CASP1: variants seen among roughly 807,000 people sequenced by gnomAD.
CASP1 encodes the protein caspase-1.
Under a neutral mutation model 41.2 loss-of-function variants are expected in CASP1, and 31 were observed. The ratio of observed to expected loss-of-function variants is 0.75; its 90% CI spans 0.57 to 1.02. The LOEUF is 1.02. CASP1 is among the 50% of genes least tolerant of loss of function. CASP1 has a pLI of 0.00. For synonymous variants in CASP1, 163 were observed against 166.5 expected (o/e 0.98, Z 0.16); for missense variants, 490 against 495.7 (o/e 0.99, Z 0.11).
rs1298939392 is a variant in CASP1 at position 105,031,257 on chromosome 11, G to C, written c.361C>G (p.Pro121Ala). 12 of 1,610,826 alleles carry C rather than the reference G, an allele frequency of 7.4e-6. No homozygotes were observed. Among genetic ancestry groups the C allele is most frequent in the Non-Finnish European group, 1.0e-5 (12 of 1,177,416 alleles). The change falls in exon 4 of 9, where the codon CCA (proline) becomes GCA (alanine). Residue 121 changes from proline to alanine, a missense_variant. Coordinates refer to ENST00000533400, the MANE Select transcript of CASP1 (RefSeq NM_001257118.3). Reference protein sequence around the residue: ...FPAPQAVQDNPAMPTSSGSEG... With the variant: ...FPAPQAVQDNAAMPTSSGSEG... ...GAGCCTGAGGATGTGGGCATAGCTG[G>C]GTTGTCCTGCACTGCCTGAGGAGCT... is the stretch of plus-strand genomic sequence containing the variant.
rs1168839070 is a variant in CASP1 at position 105,029,104 on chromosome 11, C to G, written c.1006+20G>C. On this transcript the variant is annotated intron_variant, in intron 7 of 8. Transcript: ENST00000533400. ...CTATTGATAGCCCCAACAAAGATGT[C>G]CTGTGTAGAAACCTGTTACCTGGTG... 6.2e-7 allele frequency: 1 copy of G among 1,607,770 alleles called. No individual in the cohort carries two copies. Among genetic ancestry groups the G allele is most frequent in the East Asian group, 2.2e-5 (1 of 44,786 alleles).
chr11:105,034,524 C>T (rs1565228461), intron 1 of CASP1, 50 bp from the exon 2 acceptor site: 2 of 1,608,572 alleles, frequency 1.2e-6, no homozygotes, highest in Admixed American at 1.7e-5. Context: ...CCTCATATTC[C>T]TCTCATGTAA....
intron 2 of CASP1, 53 bp from the exon 3 acceptor site, chr11:105,033,179 T>G (rs1447550472): frequency 9.2e-7 from 1 of 1,083,078 alleles, no homozygotes; most frequent in Non-Finnish European, 1.4e-6. Flanking sequence ...CTGGAAAACT[T>G]TACCCCAATC....
intron 1 of CASP1, 100 bp downstream of exon 1, chr11:105,035,007 G>A (rs763767995): frequency 2.9e-5 from 43 of 1,502,060 alleles, no homozygotes; most frequent in Non-Finnish European, 3.7e-5. Flanking sequence ...TTCTACTCAA[G>A]TAAACTTCCA....
chr11:105,029,310 A>T, intron 6 of CASP1, 43 bp from the exon 7 acceptor site: 1 of 1,569,006 alleles, frequency 6.4e-7, no homozygotes. Flanking sequence ...CCAATGGCTG[A>T]GAAGATGTTT....
At chr11:105,034,900 C>G (rs1332973967) in intron 1 of CASP1, among the ~76,000 whole-genome samples, 2 of 152,202 alleles carry the variant, frequency 1.3e-5, no homozygotes, top group Non-Finnish European at 2.9e-5. Context: ...CAGGCTTCCC[C>G]TAAAGCCTCA....
rs777829076 is a variant in CASP1, at chr11:105,034,434, G to A, written c.48C>T (p.Ser16=). ...LKEKRKLFIR[S]MGEGTINGLL... ...AGCCATTTATTGTACCTTCACCCAT[G>A]GAACGGATAAACAGCTTTCTCTTCT... The change falls in exon 2 of 9, where the codon TCC becomes TCT. Residue 16 remains serine (S), a synonymous_variant. Transcript: ENST00000533400. 1.1e-5 allele frequency: 18 copies of A among 1,613,948 alleles called. No individual in the cohort carries two copies. Among genetic ancestry groups the A allele is most frequent in the Non-Finnish European group, 1.4e-5 (17 of 1,179,990 alleles).
At chr11:105,035,618 G>GTTTTTTTTTTTTGT (rs1555005465), upstream of CASP1, among the ~76,000 whole-genome samples, 1 of 103,438 alleles carries the variant, frequency 9.7e-6, no homozygotes, top group Non-Finnish European at 1.8e-5. Flanking sequence ...TTTTCTTTCT[G>GTTTTTTTTTTTTGT]TTTTTTTTTT....
intron 7 of CASP1, among the ~76,000 whole-genome samples, chr11:105,028,109 G>A (rs769736593): frequency 3.3e-5 from 5 of 152,018 alleles, no homozygotes; most frequent in Admixed American, 6.6e-5. Context: ...TCTGCTATAC[G>A]TACTCAGGCT....
upstream of CASP1, among the ~76,000 whole-genome samples, chr11:105,035,616 C>CTTTTTCTTTTTTT (rs770202897): frequency 3.8e-5 from 2 of 52,072 alleles, no homozygotes; most frequent in African/African-American, 1.0e-4. Flanking sequence ...TTTTTTCTTT[C>CTTTTTCTTTTTTT]TGTTTTTTTT....
chr11:105,034,193 G>C lies in CASP1; in HGVS notation c.274+15C>G. The stretch of plus-strand genomic sequence containing the variant: ...AGGCCCTAGGTGAACTTGAGTGTAA[G>C]TCACTGACCCTTACCTGCTGAGAGT... On this transcript the variant is annotated intron_variant, in intron 2 of 8. Coordinates refer to ENST00000533400, the MANE Select transcript of CASP1 (RefSeq NM_001257118.3). The C allele has an allele frequency of 6.2e-7, 1 of 1,613,954 alleles. No individual in the cohort carries two copies. Among genetic ancestry groups the C allele is most frequent in the Non-Finnish European group, 8.5e-7 (1 of 1,179,850 alleles).
At chr11:105,036,599 G>T (rs962518712), upstream of CASP1, among the ~76,000 whole-genome samples, 6 of 152,026 alleles carry the variant, frequency 3.9e-5, no homozygotes, top group Non-Finnish European at 7.4e-5. Context: ...ATACCCTCTT[G>T]CCTGCACCCA....
At chr11:105,035,226 G>A (rs1021912563), upstream of CASP1, 31 of 1,361,022 alleles carry the variant, frequency 2.3e-5, no homozygotes, top group East Asian at 4.6e-4. Context: ...GCATATGCAT[G>A]TCTTTATTTT....
Position 105,034,238 on chromosome 11 carries a change from A to T in CASP1, c.244T>A (p.Tyr82Asn). ...GAGAGTCCCAGCGTCCCTGCCAGGT[A>T]ACTGTCTTCTTCACAAATGTATGTG... ...CITYICEEDS[Y>N]LAGTLGLSAD... Residue 82 changes from tyrosine (Y) to asparagine (N), a missense_variant, in exon 2 of 9, where the codon TAC (tyrosine) becomes AAC (asparagine). Coordinates refer to ENST00000533400, the MANE Select transcript of CASP1 (RefSeq NM_001257118.3). 1 of 1,614,100 alleles carries T rather than the reference A, an allele frequency of 6.2e-7. No homozygotes were observed. The highest frequency in any genetic ancestry group is 1.1e-5 in the South Asian group (1 of 91,080).
chr11:105,026,088 G>T lies in CASP1; in HGVS notation c.*170C>A. On this transcript the variant is annotated 3_prime_UTR_variant, in exon 9 of 9. Transcript: ENST00000533400. ...TGAATATCATGTGGGCGCTCACACA[G>T]TGTTGGATTTTAGAGCATTTCAAAA... is the stretch of plus-strand genomic sequence containing the variant. The T allele has an allele frequency of 1.9e-6, 1 of 530,090 alleles. No homozygotes were observed. Among genetic ancestry groups the T allele is most frequent in the East Asian group, 2.9e-5 (1 of 34,246 alleles). 32.8% of individuals were successfully genotyped at this position (530,090 alleles called of 1,614,324 possible).
At position 105,026,324 on chromosome 11, in the gene CASP1, T is replaced by C. The variant is rs760844756; in HGVS notation, c.1149A>G (p.Arg383=). The part of the protein sequence containing the change: ...VRFSFEQPDG[R]AQMPTTERVT... ...CTCTTTCAGTGGTGGGCATCTGCGC[T>C]CTACCATCTGGCTGCTCAAATGAAA... is the stretch of plus-strand genomic sequence containing the variant. The change falls in exon 9 of 9, where the codon AGA becomes AGG. Residue 383 remains arginine (R), a synonymous_variant. Coordinates refer to ENST00000533400, the MANE Select transcript of CASP1 (RefSeq NM_001257118.3). 4 of 1,611,662 alleles carry C rather than the reference T, an allele frequency of 2.5e-6. No homozygotes were observed. In the Admixed American group the frequency reaches 5.0e-5, roughly 20 times the overall value.
intron 3 of CASP1, among the ~76,000 whole-genome samples, chr11:105,032,021 T>G (rs1863728756): frequency 6.6e-6 from 1 of 152,230 alleles, no homozygotes; most frequent in African/African-American, 2.4e-5. Flanking sequence ...AACAATGTGA[T>G]GTCCTTGTTA....
At chr11:105,026,538 G>A (rs1253449696) in intron 8 of CASP1, 182 bp from the exon 9 acceptor site, 2 of 600,094 alleles carry the variant, frequency 3.3e-6, no homozygotes, top group Admixed American at 5.9e-5. Flanking sequence ...CCCTCCTCAG[G>A]GCATTTTAAA....
rs1863634603 is a variant in CASP1 at position 105,030,650 on chromosome 11, T to C, written c.454-147A>G. ...ATTGAAAAGGGGGAACAGAATTGAA[T>C]GCTGCTTCAAGAGTATGCATGGACA... On this transcript the variant is annotated intron_variant, in intron 4 of 8. Transcript: ENST00000533400. The C allele has an allele frequency of 7.7e-6, 5 of 649,002 alleles. No homozygotes were observed. In the South Asian group the frequency reaches 8.0e-5, roughly 10 times the overall value. 40.2% of individuals were successfully genotyped at this position (649,002 alleles called of 1,614,324 possible).
Sources: gnomAD v4.1 joint callset for allele counts (sites outside exome capture counted in the v4.1 genomes callset) on GRCh38, gnomAD v4.1.1 for gene constraint, MANE v1.5 for transcripts, NCBI Gene and HGNC (gene_info 2026-07-23, HGNC 2026-07-21) for gene names.